Variants in FHIT observed in about 807,000 individuals in gnomAD.
FHIT encodes the protein bis(5'-adenosyl)-triphosphatase.
In FHIT, 19 loss-of-function variants were observed where a neutral mutation model predicts 17.9. The observed-to-expected ratio is 1.06, with a 90% CI of 0.74 to 1.56. The LOEUF is 1.56. FHIT is among the 40% of genes most tolerant of loss of function. The probability of loss-of-function intolerance (pLI) is 0.00; values close to 1 mark genes in which losing one functional copy is unlikely to be tolerated. For synonymous variants in FHIT, 81 were observed against 69.7 expected (o/e 1.16, Z -0.81); for missense variants, 248 against 189.2 (o/e 1.31, Z -1.82).
chr3:60,341,405 T>TA (rs1420040706), intron 5 of FHIT, among the ~76,000 whole-genome samples: 1 of 152,168 alleles, frequency 6.6e-6, no homozygotes, highest in African/African-American at 2.4e-5. Flanking sequence ...AACCCATAGA[T>TA]ACACAAACTC....
chr3:59,784,428 G>A (rs771667550), intron 8 of FHIT, among the ~76,000 whole-genome samples: 1 of 152,080 alleles, frequency 6.6e-6, no homozygotes, highest in Admixed American at 6.6e-5. Context: ...CATTCTTTTC[G>A]GATAAAATCC....
intron 4 of FHIT, among the ~76,000 whole-genome samples, chr3:60,636,153 C>T (rs1553683807): frequency 6.6e-6 from 1 of 152,020 alleles, no homozygotes; most frequent in Admixed American, 6.6e-5. Context: ...TCACTGCAAC[C>T]TCCACCTCTC....
At chr3:60,787,016 A>AC (rs2108109887) in intron 4 of FHIT, among the ~76,000 whole-genome samples, 1 of 151,126 alleles carries the variant, frequency 6.6e-6, no homozygotes, top group Admixed American at 6.6e-5. Flanking sequence ...AAAAAAAAAA[A>AC]ACAAAACAGA....
chr3:59,842,946 C>T (rs979707622), intron 8 of FHIT, among the ~76,000 whole-genome samples: 4 of 151,910 alleles, frequency 2.6e-5, no homozygotes, highest in Admixed American at 6.6e-5. Context: ...TTTTGATGCC[C>T]GTGTCTCTGG....
At chr3:60,047,602 A>AT (rs1419489400) in intron 5 of FHIT, among the ~76,000 whole-genome samples, 3 of 152,224 alleles carry the variant, frequency 2.0e-5, no homozygotes, top group Non-Finnish European at 2.9e-5. Context: ...CCTCAGGTGC[A>AT]TTAGGCATAT....
chr3:61,151,837 C>A (rs2037402381), intron 2 of FHIT, among the ~76,000 whole-genome samples: 2 of 152,108 alleles, frequency 1.3e-5, no homozygotes, highest in African/African-American at 4.8e-5. Flanking sequence ...CCCACCTAGG[C>A]CTCCCAAAGT....
At chr3:61,028,542 G>A (rs1386218090) in intron 3 of FHIT, among the ~76,000 whole-genome samples, 2 of 152,156 alleles carry the variant, frequency 1.3e-5, no homozygotes, top group African/African-American at 4.8e-5. Context: ...TAGGAAGAAG[G>A]ATTCTAGAAT....
intron 2 of FHIT, among the ~76,000 whole-genome samples, chr3:61,083,567 G>A (rs1346568678): frequency 6.6e-6 from 1 of 152,158 alleles, no homozygotes. Context: ...TCCAGCCTGG[G>A]CGACAGCGAG....
chr3:60,624,533 G>A (rs1349780734), intron 4 of FHIT, among the ~76,000 whole-genome samples: 3 of 152,056 alleles, frequency 2.0e-5, no homozygotes, highest in East Asian at 1.9e-4. Flanking sequence ...TGAAGAGAGA[G>A]GACTGCTTTG....
chr3:61,211,385 C>T (rs949166828), intron 1 of FHIT, among the ~76,000 whole-genome samples: 12 of 152,204 alleles, frequency 7.9e-5, no homozygotes, highest in African/African-American at 2.4e-4. Flanking sequence ...CCTATGCCCA[C>T]GGAGTCTCGC....
chr3:60,893,872 A>G (rs1251873798), intron 3 of FHIT, among the ~76,000 whole-genome samples: 2 of 152,220 alleles, frequency 1.3e-5, no homozygotes, highest in Non-Finnish European at 2.9e-5. Flanking sequence ...TCAAGGCACC[A>G]CATAGGGGTT....
chr3:59,962,795 A>G (rs1707746843), intron 7 of FHIT, among the ~76,000 whole-genome samples: 5 of 152,282 alleles, frequency 3.3e-5, no homozygotes. Context: ...GCTCAAGAAC[A>G]CAAACATAAT....
At chr3:60,729,935 C>T (rs1289680455) in intron 4 of FHIT, 1 of 163,260 alleles carries the variant, frequency 6.1e-6, no homozygotes, top group Non-Finnish European at 1.3e-5. Context: ...GAAACATAAG[C>T]TGTGACTGTA....
At chr3:60,477,590 G>A (rs1261050155) in intron 5 of FHIT, among the ~76,000 whole-genome samples, 1 of 152,152 alleles carries the variant, frequency 6.6e-6, no homozygotes, top group Non-Finnish European at 1.5e-5. Flanking sequence ...TCATATTAAT[G>A]TCTGCATTTT....
At chr3:60,640,431 A>C (rs2039698277) in intron 4 of FHIT, among the ~76,000 whole-genome samples, 1 of 152,218 alleles carries the variant, frequency 6.6e-6, no homozygotes, top group Non-Finnish European at 1.5e-5. Context: ...CTTGCAGAGC[A>C]GGTGTTCACT....
At chr3:60,372,807 C>T (rs1183696210) in intron 5 of FHIT, among the ~76,000 whole-genome samples, 2 of 151,962 alleles carry the variant, frequency 1.3e-5, no homozygotes, top group Non-Finnish European at 1.5e-5. Flanking sequence ...TATTTGGAGG[C>T]TGATATGATC....
At chr3:60,086,169 A>G (rs1037057712) in intron 5 of FHIT, among the ~76,000 whole-genome samples, 2 of 152,114 alleles carry the variant, frequency 1.3e-5, no homozygotes, top group South Asian at 4.1e-4. Context: ...GGGGGATGCC[A>G]GGCTCTTTTT....
chr3:60,762,255 A>C (rs1251953928), intron 4 of FHIT, among the ~76,000 whole-genome samples: 1 of 152,142 alleles, frequency 6.6e-6, no homozygotes, highest in Non-Finnish European at 1.5e-5. Context: ...TCAGCTTCTT[A>C]ACCTCCCTTG....
intron 4 of FHIT, among the ~76,000 whole-genome samples, chr3:60,590,205 C>A (rs1373577094): frequency 1.3e-5 from 2 of 152,026 alleles, no homozygotes. Context: ...GGGAGGAACT[C>A]TGTGGAACGC....
Sources: gnomAD v4.1 joint callset for allele counts (sites outside exome capture counted in the v4.1 genomes callset) on GRCh38, gnomAD v4.1.1 for gene constraint, MANE v1.5 for transcripts, NCBI Gene and HGNC (gene_info 2026-07-23, HGNC 2026-07-21) for gene names.